Variants in ADAMTS2 observed in about 807,000 individuals in gnomAD.
ADAMTS2 encodes the protein A disintegrin and metalloproteinase with thrombospondin motifs 2.
In ADAMTS2, 50 loss-of-function variants were observed where a neutral mutation model predicts 123.0. That is an observed-to-expected ratio of 0.41 (90% CI 0.32 to 0.51). ADAMTS2 has a LOEUF of 0.51. Among genes scored for constraint, ADAMTS2 ranks in the 20% least tolerant of loss-of-function variants. The pLI, the probability that ADAMTS2 is intolerant of heterozygous loss-of-function variation, is 0.35. For synonymous variants in ADAMTS2, 678 were observed against 695.4 expected (o/e 0.98, Z 0.39); for missense variants, 1,494 against 1,705.2 (o/e 0.88, Z 2.18).
intron 4 of ADAMTS2, among the ~76,000 whole-genome samples, chr5:179,203,182 T>C (rs1764605806): frequency 6.6e-6 from 1 of 152,074 alleles, no homozygotes; most frequent in Non-Finnish European, 1.5e-5. Context: ...ATTCCCTGGG[T>C]CCCCACCATC....
chr5:179,286,135 G>A (rs1004311826), intron 2 of ADAMTS2, among the ~76,000 whole-genome samples: 3 of 148,876 alleles, frequency 2.0e-5, no homozygotes, highest in Non-Finnish European at 4.4e-5. Flanking sequence ...AATCGCTTGA[G>A]CCCAGAAGGC....
intron 2 of ADAMTS2, among the ~76,000 whole-genome samples, chr5:179,276,953 G>A (rs115076982): frequency 1.3e-5 from 2 of 152,118 alleles, no homozygotes; most frequent in South Asian, 4.1e-4. Flanking sequence ...TAACCCGGGG[G>A]ACAGTTTGGG....
intron 5 of ADAMTS2, among the ~76,000 whole-genome samples, chr5:179,173,692 A>G (rs972285579): frequency 6.6e-6 from 1 of 152,214 alleles, no homozygotes; most frequent in African/African-American, 2.4e-5. Context: ...CTGGGGTCAC[A>G]GAAATGAATG....
chr5:179,340,031 A>G (rs1757729472), intron 2 of ADAMTS2, among the ~76,000 whole-genome samples: 1 of 152,266 alleles, frequency 6.6e-6, no homozygotes, highest in Non-Finnish European at 1.5e-5. Flanking sequence ...CCTGAAAGGC[A>G]GCAGCCCTGG....
At position 179,345,205 on chromosome 5, in the gene ADAMTS2, C is replaced by CGGCGGCGAGCCTGGCGTTCGCG. The variant is rs1757906798; in HGVS notation, c.102_123dup (p.Ala42ArgfsTer31). ...CCGCACCTACCTGGGGGGTCGGCGG[C>CGGCGGCGAGCCTGGCGTTCGCG]GGCGGCGAGCCTGGCGTTCGCGGGC... On this transcript the variant is annotated frameshift_variant, in exon 1 of 22. Coordinates refer to ENST00000251582, the MANE Select transcript of ADAMTS2 (RefSeq NM_014244.5). LOFTEE classifies it high-confidence loss of function. This position sits in a 1 kb window ranked among gnomAD's most constrained non-coding sequence, Gnocchi z 7.5. 3.6e-6 allele frequency: 4 copies of CGGCGGCGAGCCTGGCGTTCGCG among 1,119,676 alleles called. No individual in the cohort carries two copies. The highest frequency in any genetic ancestry group is 5.1e-5 in the Admixed American group (1 of 19,758). 69.4% of individuals were successfully genotyped at this position (1,119,676 alleles called of 1,614,324 possible).
intron 2 of ADAMTS2, among the ~76,000 whole-genome samples, chr5:179,319,778 C>G (rs1036137025): frequency 6.6e-6 from 1 of 152,098 alleles, no homozygotes; most frequent in Non-Finnish European, 1.5e-5. Context: ...CCACAGGAAG[C>G]ATGCGTGCAG....
At chr5:179,288,120 C>G (rs1219335437) in intron 2 of ADAMTS2, among the ~76,000 whole-genome samples, 1 of 152,356 alleles carries the variant, frequency 6.6e-6, no homozygotes, top group Admixed American at 6.5e-5. Context: ...AGGCTGTCAT[C>G]TCCCCGGGTC....
At chr5:179,325,326 G>A (rs1352016954) in intron 2 of ADAMTS2, among the ~76,000 whole-genome samples, 5 of 152,176 alleles carry the variant, frequency 3.3e-5, no homozygotes, top group African/African-American at 1.2e-4. Context: ...GGCACGGAAG[G>A]GAGACCGCGT....
At chr5:179,278,868 C>T (rs1766814810) in intron 2 of ADAMTS2, among the ~76,000 whole-genome samples, 1 of 151,528 alleles carries the variant, frequency 6.6e-6, no homozygotes, top group Non-Finnish European at 1.5e-5. Context: ...GAACCTGCTC[C>T]TTTGCAGTTG....
Position 179,307,984 on chromosome 5 carries a change from C to G in ADAMTS2, c.535-34920G>C, listed in dbSNP as rs962836424. On this transcript the variant is annotated intron_variant, in intron 2 of 21. Coordinates refer to ENST00000251582, the MANE Select transcript of ADAMTS2 (RefSeq NM_014244.5). This position sits in a 1 kb window ranked among gnomAD's most constrained non-coding sequence, Gnocchi z 5.6. ...AGTTGTCCTTGCTGGGTCCACGTCA[C>G]CAGACCAGTGCCTGGCATCTCACAG... Among the ~76,000 whole-genome samples, 2 of 152,208 alleles carry G rather than the reference C, an allele frequency of 1.3e-5. No homozygotes were observed. The highest frequency in any genetic ancestry group is 2.9e-5 in the Non-Finnish European group (2 of 68,032).
chr5:179,173,972 C>T (rs559523454), intron 5 of ADAMTS2, among the ~76,000 whole-genome samples: 3 of 146,434 alleles, frequency 2.0e-5, no homozygotes, highest in East Asian at 4.0e-4. Flanking sequence ...GAGGTCGCGC[C>T]ACTGCACTCC....
intron 2 of ADAMTS2, among the ~76,000 whole-genome samples, chr5:179,292,230 A>T (rs957439432): frequency 6.6e-6 from 1 of 151,894 alleles, no homozygotes; most frequent in Non-Finnish European, 1.5e-5. Context: ...CACAACCAGC[A>T]CTAAATACAT....
intron 2 of ADAMTS2, among the ~76,000 whole-genome samples, chr5:179,338,537 G>A (rs920476240): frequency 2.7e-4 from 41 of 152,178 alleles, no homozygotes; most frequent in Non-Finnish European, 5.1e-4. Flanking sequence ...CCCTCCCAGG[G>A]GCACCTGAGG....
chr5:179,343,924 G>A lies in ADAMTS2; in HGVS notation c.377C>T (p.Pro126Leu), dbSNP rs1247479642. The A allele has an allele frequency of 3.7e-6, 6 of 1,608,378 alleles. No individual in the cohort carries two copies. Among genetic ancestry groups the A allele is most frequent in the Non-Finnish European group, 5.1e-6 (6 of 1,178,410 alleles). ...FGRDLHLRLR[P>L]NARLVAPGAT... ...CCCGGGCGCCACGAGGCGGGCGTTG[G>A]GCCGCAGCCGCAGGTGCAGGTCTCG... The change falls in exon 2 of 22, where the codon CCC becomes CTC. Residue 126 changes from proline (P) to leucine (L), a missense_variant. Pro to Leu is a moderately conservative substitution (Grantham distance 98). This residue lies in a region of ADAMTS2 where 237 missense variants were observed against 233.7 expected (regional missense o/e 1.01). Coordinates refer to ENST00000251582, the MANE Select transcript of ADAMTS2 (RefSeq NM_014244.5).
intron 2 of ADAMTS2, among the ~76,000 whole-genome samples, chr5:179,329,090 G>C (rs1008668217): frequency 2.0e-5 from 3 of 152,296 alleles, no homozygotes; most frequent in East Asian, 1.9e-4. Context: ...CACTTTGGGA[G>C]GCCAAGGAGG....
chr5:179,304,568 C>G (rs907885008), intron 2 of ADAMTS2, among the ~76,000 whole-genome samples: 2 of 152,158 alleles, frequency 1.3e-5, no homozygotes, highest in African/African-American at 4.8e-5. Context: ...ACTTTAAGAA[C>G]TCACTGGATA....
At chr5:179,173,594 G>A (rs1422076301) in intron 5 of ADAMTS2, among the ~76,000 whole-genome samples, 1 of 152,206 alleles carries the variant, frequency 6.6e-6, no homozygotes, top group Non-Finnish European at 1.5e-5. Context: ...GTTCACATGA[G>A]AGATAATGCC....
Position 179,132,110 on chromosome 5 carries a change from C to G in ADAMTS2, c.2290+120G>C. On this transcript the variant is annotated intron_variant, in intron 15 of 21. Transcript: ENST00000251582. This position sits in a 1 kb window ranked among gnomAD's most constrained non-coding sequence, Gnocchi z 6.1. Reference sequence around the variant, plus strand: ...GAGGGACAGGTTGGGGAGGGGCTGCCCTGGCTCAGGTCATGGCTGCACAAC... The same window carrying G: ...GAGGGACAGGTTGGGGAGGGGCTGCGCTGGCTCAGGTCATGGCTGCACAAC... 1.0e-6 allele frequency: 1 copy of G among 982,562 alleles called. No individual in the cohort carries two copies. Among genetic ancestry groups the G allele is most frequent in the Non-Finnish European group, 1.6e-6 (1 of 634,656 alleles). The allele number at this position is 982,562 out of a possible 1,614,324, so 60.9% of individuals were successfully genotyped here. A position where few individuals can be genotyped will look rare whatever the true frequency, so the allele number is the denominator to read the frequency against.
rs1581133337 is a variant in ADAMTS2, at chr5:179,115,716, G to C, written c.3179-1392C>G. ...GAGGAAAGGGAGGGAGAAAGGGAGG[G>C]AGAAAGGCTCAGGCATTGGATGGGA... is the stretch of plus-strand genomic sequence containing the variant. On this transcript the variant is annotated intron_variant, in intron 21 of 21. Coordinates refer to ENST00000251582, the MANE Select transcript of ADAMTS2 (RefSeq NM_014244.5). The surrounding 1 kb of genome is among the most constrained non-coding windows in gnomAD (Gnocchi z 4.4). 1.3e-5 allele frequency among the ~76,000 whole-genome samples: 2 copies of C among 152,090 alleles called. No homozygotes were observed. Among genetic ancestry groups the C allele is most frequent in the Admixed American group, 6.5e-5 (1 of 15,272 alleles).
Sources: gnomAD v4.1 joint callset for allele counts (sites outside exome capture counted in the v4.1 genomes callset) on GRCh38, gnomAD v4.1.1 for gene constraint, gnomAD v4.1.1 regional missense constraint, Gnocchi (gnomAD v3.1) non-coding constraint, MANE v1.5 for transcripts, NCBI Gene and HGNC (gene_info 2026-07-23, HGNC 2026-07-21) for gene names.